EXTL1: variants seen among roughly 807,000 people sequenced by gnomAD.
EXTL1 encodes the protein exostosin-like 1.
EXTL1 carries 43 observed loss-of-function variants against 64.6 expected under a neutral mutation model. The observed-to-expected ratio is 0.67, with a 90% CI of 0.52 to 0.86. The LOEUF is 0.86. EXTL1 is among the 40% of genes least tolerant of loss of function. EXTL1 has a pLI of 0.00. For missense variants in EXTL1, 766 were observed against 879.0 expected, an observed-to-expected ratio of 0.87 and a Z score of 1.62; for synonymous variants, 352 against 360.5, an observed-to-expected ratio of 0.98 and a Z score of 0.27.
chr1:26,033,970 A>C lies in EXTL1; in HGVS notation c.1679+114A>C. 1.1e-6 allele frequency: 1 copy of C among 883,592 alleles called. No individual in the cohort carries two copies. The highest frequency in any genetic ancestry group is 1.6e-6 in the Non-Finnish European group (1 of 623,496). The allele number at this position is 883,592 out of a possible 1,614,324, so 54.7% of individuals were successfully genotyped here. A position where few individuals can be genotyped will look rare whatever the true frequency, so the allele number is the denominator to read the frequency against. On this transcript the variant is annotated intron_variant, in intron 9 of 10. Transcript: ENST00000374280. This position sits in a 1 kb window ranked among gnomAD's most constrained non-coding sequence, Gnocchi z 5.1. ...CCAGGGATCCAGGTTCAAGGCCGAG[A>C]TCTGCCACTTCCCAGCTGTGGGATC...
rs1302673204 is a variant in EXTL1 at position 26,034,951 on chromosome 1, C to T, written c.1795C>T (p.Leu599=). 1.2e-6 allele frequency: 2 copies of T among 1,614,106 alleles called. No homozygotes were observed. Among genetic ancestry groups the T allele is most frequent in the African/African-American group, 2.7e-5 (2 of 74,940 alleles). ...TTTCATAGTAGCAGCAGTCACCAAGCTGCCCCCTATCAAGGTGCCCTATGG... is the reference window on the plus strand; with the variant it reads ...TTTCATAGTAGCAGCAGTCACCAAGTTGCCCCCTATCAAGGTGCCCTATGG... The part of the protein sequence containing the change: ...MNFIVAAVTK[L]PPIKVPYGKQ... Residue 599 remains leucine, a synonymous_variant, in exon 10 of 11, where the codon CTG becomes TTG. Transcript: ENST00000374280. This position sits in a 1 kb window ranked among gnomAD's most constrained non-coding sequence, Gnocchi z 4.6.
chr1:26,034,350 A>G lies in EXTL1; in HGVS notation c.1680-486A>G, dbSNP rs767682676. ...TTAAACATGTTTAAATCAAATATGC[A>G]TAACGTGGAACCTCTTATAGATTAC... On this transcript the variant is annotated intron_variant, in intron 9 of 10. Coordinates refer to ENST00000374280, the MANE Select transcript of EXTL1 (RefSeq NM_004455.3). The surrounding 1 kb of genome is among the most constrained non-coding windows in gnomAD (Gnocchi z 4.6). 2.8e-4 allele frequency among the ~76,000 whole-genome samples: 43 copies of G among 152,232 alleles called. No individual in the cohort carries two copies. The highest frequency in any genetic ancestry group is 8.5e-4 in the Admixed American group (13 of 15,288).
chr1:26,033,212 TC>T lies in EXTL1; in HGVS notation c.1432-12del. 6.3e-7 allele frequency: 1 copy of T among 1,585,488 alleles called. No homozygotes were observed. The highest frequency in any genetic ancestry group is 8.7e-7 in the Non-Finnish European group (1 of 1,154,126). On this transcript the variant is annotated splice_polypyrimidine_tract_variant and intron_variant, in intron 7 of 10. Transcript: ENST00000374280. The surrounding 1 kb of genome is among the most constrained non-coding windows in gnomAD (Gnocchi z 5.1). ...GAATGTTCCAATGGCTGAGTTCCCC[TC>T]CCCCACTCCCTGCAGGTTAGTGATC...
In EXTL1 at chr1:26,033,605, C is replaced by T. The variant is rs2050310176; in HGVS notation, c.1519-91C>T. ...CCTCTCCCCTGAGTCCTGCCCGGGC[C>T]CCTCAGCCAGGCTGCCCCTGCCTCC... On this transcript the variant is annotated intron_variant, in intron 8 of 10. Coordinates refer to ENST00000374280, the MANE Select transcript of EXTL1 (RefSeq NM_004455.3). The surrounding 1 kb of genome is among the most constrained non-coding windows in gnomAD (Gnocchi z 5.1). The T allele has an allele frequency of 2.2e-6, 3 of 1,386,644 alleles. No homozygotes were observed. The highest frequency in any genetic ancestry group is 3.0e-6 in the Non-Finnish European group (3 of 994,414). 85.9% of individuals were successfully genotyped at this position (1,386,644 alleles called of 1,614,324 possible). A position where few individuals can be genotyped will look rare whatever the true frequency, so the allele number is the denominator to read the frequency against.
In EXTL1 at chr1:26,022,604, CAG is replaced by C; in HGVS notation, c.-40_-39del. The C allele has an allele frequency of 6.6e-7, 1 of 1,506,872 alleles. No homozygotes were observed. The highest frequency in any genetic ancestry group is 8.9e-7 in the Non-Finnish European group (1 of 1,118,530). 93.3% of individuals were successfully genotyped at this position (1,506,872 alleles called of 1,614,324 possible). A position where few individuals can be genotyped will look rare whatever the true frequency, so the allele number is the denominator to read the frequency against. On this transcript the variant is annotated 5_prime_UTR_variant, in exon 1 of 11. Coordinates refer to ENST00000374280, the MANE Select transcript of EXTL1 (RefSeq NM_004455.3). ...AGGCCCTGCTCTTCCTGCTTGCTGG[CAG>C]AGGCCTCCCAGCTTCCCTAGCCCTG... is the stretch of plus-strand genomic sequence containing the variant.
chr1:26,035,267 C>A lies in EXTL1; in HGVS notation c.1951C>A (p.Arg651Ser), dbSNP rs768768847. The part of the protein sequence containing the change: ...AFGHMPLLSS[R>S]LRLDPVLFKD... ...CGGCCACATGCCCTTGCTGTCCTCT[C>A]GTCTGCGTCTGGACCCGGTGCTGTT... The change falls in exon 11 of 11, where the codon CGT becomes AGT. Residue 651 changes from arginine (R) to serine (S), a missense_variant. Coordinates refer to ENST00000374280, the MANE Select transcript of EXTL1 (RefSeq NM_004455.3). This position sits in a 1 kb window ranked among gnomAD's most constrained non-coding sequence, Gnocchi z 5.3. 31 of 1,613,672 alleles carry A rather than the reference C, an allele frequency of 1.9e-5. 1 individual carries two copies. In the South Asian group the frequency reaches 3.0e-4, roughly 15 times the overall value.
Position 26,035,515 on chromosome 1 carries a change from C to T in EXTL1, c.*168C>T, listed in dbSNP as rs2050330699. On this transcript the variant is annotated 3_prime_UTR_variant, in exon 11 of 11. Transcript: ENST00000374280. This position sits in a 1 kb window ranked among gnomAD's most constrained non-coding sequence, Gnocchi z 5.3. ...ATCACAACAGGGGGGCGTGGCCTTA[C>T]CTTCTCCTGCTCGCCCTCAGCCGCG... 1.9e-6 allele frequency: 1 copy of T among 517,704 alleles called. No individual in the cohort carries two copies. The highest frequency in any genetic ancestry group is 1.9e-5 in the African/African-American group (1 of 51,970). The allele number at this position is 517,704 out of a possible 1,614,324, so 32.1% of individuals were successfully genotyped here. A position where few individuals can be genotyped will look rare whatever the true frequency, so the allele number is the denominator to read the frequency against.
At position 26,033,400 on chromosome 1, in the gene EXTL1, G is replaced by A; in HGVS notation, c.1518+85G>A. On this transcript the variant is annotated intron_variant, in intron 8 of 10. Coordinates refer to ENST00000374280, the MANE Select transcript of EXTL1 (RefSeq NM_004455.3). This position sits in a 1 kb window ranked among gnomAD's most constrained non-coding sequence, Gnocchi z 5.1. The stretch of plus-strand genomic sequence containing the variant: ...CAGCCCCTCAGGTTCCCAGGGTTGA[G>A]GGGACCCCAGGTCATGAGGTCCAGC... 1 of 1,199,376 alleles carries A rather than the reference G, an allele frequency of 8.3e-7. No homozygotes were observed. Among genetic ancestry groups the A allele is most frequent in the Non-Finnish European group, 1.2e-6 (1 of 808,552 alleles). 74.3% of individuals were successfully genotyped at this position (1,199,376 alleles called of 1,614,324 possible). A position where few individuals can be genotyped will look rare whatever the true frequency, so the allele number is the denominator to read the frequency against.
intron 1 of EXTL1, among the ~76,000 whole-genome samples, chr1:26,024,698 C>T (rs2050196109): frequency 6.6e-6 from 1 of 152,196 alleles, no homozygotes; most frequent in East Asian, 1.9e-4. Context: ...CCCCCAAGCC[C>T]CTGCAGCTCA....
chr1:26,035,478 C>A lies in EXTL1; in HGVS notation c.*131C>A. On this transcript the variant is annotated 3_prime_UTR_variant, in exon 11 of 11. Transcript: ENST00000374280. The surrounding 1 kb of genome is among the most constrained non-coding windows in gnomAD (Gnocchi z 5.3). ...CAGCCAGCGGGCCCACACGTCGGAC[C>A]CCGGTTGGCCAATCACAACAGGGGG... The A allele has an allele frequency of 1.2e-6, 1 of 808,850 alleles. No individual in the cohort carries two copies. Among genetic ancestry groups the A allele is most frequent in the Non-Finnish European group, 1.9e-6 (1 of 527,204 alleles). 50.1% of individuals were successfully genotyped at this position (808,850 alleles called of 1,614,324 possible). A position where few individuals can be genotyped will look rare whatever the true frequency, so the allele number is the denominator to read the frequency against.
At position 26,023,385 on chromosome 1, in the gene EXTL1, C is replaced by G. The variant is rs1036916429; in HGVS notation, c.739C>G (p.Pro247Ala). 6.2e-6 allele frequency: 9 copies of G among 1,458,464 alleles called. No individual in the cohort carries two copies. The highest frequency in any genetic ancestry group is 8.2e-6 in the Non-Finnish European group (9 of 1,102,166). The allele number at this position is 1,458,464 out of a possible 1,614,324, so 90.3% of individuals were successfully genotyped here. A position where few individuals can be genotyped will look rare whatever the true frequency, so the allele number is the denominator to read the frequency against. Residue 247 changes from proline (P) to alanine (A), a missense_variant, in exon 1 of 11, where the codon CCC becomes GCC. This residue lies in a region of EXTL1 where 571 missense variants were observed against 647.6 expected (regional missense o/e 0.88). Coordinates refer to ENST00000374280, the MANE Select transcript of EXTL1 (RefSeq NM_004455.3). ...AGCAGACACTGGCTCCTCTGCCTGC[C>G]CCTGGGATGGGCGCTGTGAGCAAGA... ...RTADTGSSAC[P>A]WDGRCEQDPG...
rs748782636 is a variant in EXTL1, at chr1:26,023,356, G to A, written c.710G>A (p.Arg237His). 4.7e-6 allele frequency: 7 copies of A among 1,485,162 alleles called. No individual in the cohort carries two copies. The highest frequency in any genetic ancestry group is 2.4e-5 in the Admixed American group (1 of 41,348). 92.0% of individuals were successfully genotyped at this position (1,485,162 alleles called of 1,614,324 possible). ...LALEEERGGWRTADTGSSACP... is the reference protein window; with the variant it reads ...LALEEERGGWHTADTGSSACP... ...CTGGAAGAGGAGAGGGGTGGGTGGC[G>A]CACAGCAGACACTGGCTCCTCTGCC... Residue 237 changes from arginine (R) to histidine (H), a missense_variant, in exon 1 of 11, where the codon CGC (arginine) becomes CAC (histidine). Physicochemically the swap from Arg to His is conservative, Grantham distance 29. This residue lies in a region of EXTL1 where 571 missense variants were observed against 647.6 expected (regional missense o/e 0.88). Coordinates refer to ENST00000374280, the MANE Select transcript of EXTL1 (RefSeq NM_004455.3).
At position 26,029,281 on chromosome 1, in the gene EXTL1, C is replaced by T. The variant is rs774564275; in HGVS notation, c.868C>T (p.Leu290=). 2.5e-6 allele frequency: 4 copies of T among 1,613,432 alleles called. No individual in the cohort carries two copies. The South Asian group carries it at 4.4e-5, about 18-fold the overall frequency. The change falls in exon 2 of 11, where the codon CTG becomes TTG. Residue 290 remains leucine (L), a synonymous_variant. Coordinates refer to ENST00000374280, the MANE Select transcript of EXTL1 (RefSeq NM_004455.3). The part of the protein sequence containing the change: ...PEAASRFLQA[L]QAGCIPVLLS... ...GGCTGCCTCGCGCTTCCTCCAAGCC[C>T]TGCAGGTACAACCCCAATTTGAGCA...
chr1:26,026,212 C>T (rs1230854716), intron 1 of EXTL1, among the ~76,000 whole-genome samples: 1 of 142,892 alleles, frequency 7.0e-6, no homozygotes, highest in Non-Finnish European at 1.5e-5. Context: ...GCACTCCAGC[C>T]TGGGCAGCAG....
chr1:26,035,400 C>T lies in EXTL1; in HGVS notation c.*53C>T, dbSNP rs553262616. On this transcript the variant is annotated 3_prime_UTR_variant, in exon 11 of 11. Transcript: ENST00000374280. The surrounding 1 kb of genome is among the most constrained non-coding windows in gnomAD (Gnocchi z 5.3). ...AGGTCGCAGCCCAGCTCCCAGGGGGCCCGGCGCCTGCCGGCGGGCTCCGCT... is the reference window on the plus strand; with the variant it reads ...AGGTCGCAGCCCAGCTCCCAGGGGGTCCGGCGCCTGCCGGCGGGCTCCGCT... 8.0e-6 allele frequency: 12 copies of T among 1,501,594 alleles called. No homozygotes were observed. Among genetic ancestry groups the T allele is most frequent in the Middle Eastern group, 2.5e-4 (1 of 4,032 alleles). The allele number at this position is 1,501,594 out of a possible 1,614,324, so 93.0% of individuals were successfully genotyped here.
chr1:26,027,521 G>T (rs2050229345), intron 1 of EXTL1, among the ~76,000 whole-genome samples: 1 of 151,958 alleles, frequency 6.6e-6, no homozygotes, highest in Admixed American at 6.6e-5. Context: ...ATCAAGGAGG[G>T]TTTCCCAGAG....
intron 1 of EXTL1, 54 bp downstream of exon 1, chr1:26,023,479 A>G: frequency 2.2e-6 from 3 of 1,390,674 alleles, no homozygotes; most frequent in Non-Finnish European, 2.8e-6. Context: ...GAATAGACGC[A>G]AGCCCAAAAA....
In EXTL1 at chr1:26,033,614, A is replaced by C; in HGVS notation, c.1519-82A>C. 2 of 1,472,892 alleles carry C rather than the reference A, an allele frequency of 1.4e-6. No homozygotes were observed. Among genetic ancestry groups the C allele is most frequent in the Non-Finnish European group, 1.9e-6 (2 of 1,070,758 alleles). 91.2% of individuals were successfully genotyped at this position (1,472,892 alleles called of 1,614,324 possible). On this transcript the variant is annotated intron_variant, in intron 8 of 10. Coordinates refer to ENST00000374280, the MANE Select transcript of EXTL1 (RefSeq NM_004455.3). This position sits in a 1 kb window ranked among gnomAD's most constrained non-coding sequence, Gnocchi z 5.1. The stretch of plus-strand genomic sequence containing the variant: ...TGAGTCCTGCCCGGGCCCCTCAGCC[A>C]GGCTGCCCCTGCCTCCATTTCCCTG...
chr1:26,025,384 A>C lies in EXTL1; in HGVS notation c.779+1959A>C, dbSNP rs1015990032. On this transcript the variant is annotated intron_variant, in intron 1 of 10. Transcript: ENST00000374280. This position sits in a 1 kb window ranked among gnomAD's most constrained non-coding sequence, Gnocchi z 5.3. The stretch of plus-strand genomic sequence containing the variant: ...TACTTAAGTCACTGCTGATCCTGTC[A>C]TGCACCCTTCAAGGGAGGTATTATT... Among the ~76,000 whole-genome samples, 1 of 152,174 alleles carries C rather than the reference A, an allele frequency of 6.6e-6. No homozygotes were observed. The highest frequency in any genetic ancestry group is 2.4e-5 in the African/African-American group (1 of 41,428).
Sources: gnomAD v4.1 joint callset for allele counts (sites outside exome capture counted in the v4.1 genomes callset) on GRCh38, gnomAD v4.1.1 for gene constraint, gnomAD v4.1.1 regional missense constraint, Gnocchi (gnomAD v3.1) non-coding constraint, MANE v1.5 for transcripts, NCBI Gene and HGNC (gene_info 2026-07-23, HGNC 2026-07-21) for gene names.